The following CD28 variants were observed in gnomAD, a reference collection of about 807,000 sequenced individuals.
CD28 encodes the protein CD28 molecule, also known as T-cell-specific surface glycoprotein CD28.
A neutral mutation model predicts 21.4 loss-of-function variants in CD28; 8 were observed. That is an observed-to-expected ratio of 0.37 (90% CI 0.22 to 0.68). The LOEUF is 0.68. Ranked by LOEUF, CD28 falls within the 30% of genes least tolerant of loss-of-function variation. The pLI, the probability that CD28 is intolerant of heterozygous loss-of-function variation, is 0.55. For synonymous variants in CD28, 106 were observed against 104.0 expected, an observed-to-expected ratio of 1.02 and a Z score of -0.12; for missense variants, 239 against 272.2, an observed-to-expected ratio of 0.88 and a Z score of 0.86.
intron 1 of CD28, among the ~76,000 whole-genome samples, chr2:203,724,016 T>TG (rs1397537133): frequency 2.6e-5 from 4 of 152,184 alleles, no homozygotes; most frequent in African/African-American, 9.7e-5. Flanking sequence ...AGCCATACAA[T>TG]GGAATATTAT....
chr2:203,707,855 G>T (rs1416774361), intron 1 of CD28, among the ~76,000 whole-genome samples: 1 of 152,120 alleles, frequency 6.6e-6, no homozygotes, highest in Non-Finnish European at 1.5e-5. Flanking sequence ...ATGGACTCAG[G>T]TAAATCCAGG....
chr2:203,723,630 A>G (rs1693664802), intron 1 of CD28, among the ~76,000 whole-genome samples: 2 of 152,382 alleles, frequency 1.3e-5, no homozygotes. Context: ...GCTAATAAGC[A>G]CATGAAAAGA....
chr2:203,707,182 CT>C (rs1003138273), intron 1 of CD28, among the ~76,000 whole-genome samples: 84 of 148,148 alleles, frequency 5.7e-4, no homozygotes, highest in Admixed American at 6.7e-4. Context: ...TTCTTTCTTT[CT>C]TTTTTTTTTT....
intron 1 of CD28, among the ~76,000 whole-genome samples, chr2:203,716,324 C>T (rs935885361): frequency 2.0e-5 from 3 of 152,182 alleles, no homozygotes; most frequent in Non-Finnish European, 2.9e-5. Flanking sequence ...AGGCTTCTTT[C>T]GCGTGCCTGT....
Position 203,737,430 on chromosome 2 carries a change from C to CT in CD28, c.*2526dup, listed in dbSNP as rs55634483. ...AATGGCAGTGGCAAATAAATAAATA[C>CT]TTTTTTTTAAATGGAAAGACTTGAT... is the stretch of plus-strand genomic sequence containing the variant. On this transcript the variant is annotated 3_prime_UTR_variant, in exon 4 of 4. Transcript: ENST00000324106. The CT allele has an allele frequency of 0.14, 21,275 of 152,056 alleles. 1,721 individuals are homozygous for CT. Among genetic ancestry groups the CT allele is most frequent in the Middle Eastern group, 0.22 (65 of 294 alleles). The allele number at this position is 152,056 out of a possible 1,614,324, so 9.4% of individuals were successfully genotyped here.
chr2:203,706,507 G>A, upstream of CD28: 1 of 1,535,320 alleles, frequency 6.5e-7, no homozygotes, highest in East Asian at 2.4e-5. Flanking sequence ...TATCCTGTGT[G>A]AAATGCTGCA....
At chr2:203,711,388 T>C (rs560467114) in intron 1 of CD28, among the ~76,000 whole-genome samples, 1 of 152,246 alleles carries the variant, frequency 6.6e-6, no homozygotes, top group Non-Finnish European at 1.5e-5. Flanking sequence ...TCAATGTTAA[T>C]TTCAAAGGCA....
At chr2:203,731,829 G>T (rs898824407) in intron 3 of CD28, among the ~76,000 whole-genome samples, 1 of 152,026 alleles carries the variant, frequency 6.6e-6, no homozygotes, top group Non-Finnish European at 1.5e-5. Context: ...TTTTATTTTT[G>T]TTTTACTTTG....
intron 1 of CD28, among the ~76,000 whole-genome samples, chr2:203,709,464 G>A (rs1429742079): frequency 2.6e-5 from 4 of 152,204 alleles, no homozygotes; most frequent in African/African-American, 7.2e-5. Flanking sequence ...TAAAGGTTAA[G>A]TCTAACCTGA....
chr2:203,709,978 A>G (rs1693266971), intron 1 of CD28, among the ~76,000 whole-genome samples: 1 of 152,222 alleles, frequency 6.6e-6, no homozygotes, highest in African/African-American at 2.4e-5. Context: ...GACATTTAAT[A>G]AAAAGTCATC....
chr2:203,717,580 G>T (rs1241169760), intron 1 of CD28, among the ~76,000 whole-genome samples: 1 of 152,158 alleles, frequency 6.6e-6, no homozygotes, highest in Non-Finnish European at 1.5e-5. Context: ...TGTGCCATCT[G>T]TTTTCATTTG....
intron 1 of CD28, among the ~76,000 whole-genome samples, chr2:203,723,119 G>A (rs771521524): frequency 1.3e-5 from 2 of 152,142 alleles, no homozygotes; most frequent in Non-Finnish European, 2.9e-5. Context: ...ATTCCACTAG[G>A]CCATAGTGGC....
intron 1 of CD28, among the ~76,000 whole-genome samples, chr2:203,719,610 T>C (rs1042734413): frequency 1.3e-5 from 2 of 152,204 alleles, no homozygotes; most frequent in African/African-American, 4.8e-5. Context: ...TTATGTTTCC[T>C]GTAACCTTGG....
At chr2:203,724,558 G>T (rs3116493) in intron 1 of CD28, among the ~76,000 whole-genome samples, 117,549 of 152,082 alleles carry the variant, frequency 0.77, 45,604 homozygotes, top group East Asian at 0.92. Context: ...TTTTTAAAAA[G>T]AATTTTGTAG....
At chr2:203,711,696 T>A (rs887252115) in intron 1 of CD28, among the ~76,000 whole-genome samples, 1 of 152,188 alleles carries the variant, frequency 6.6e-6, no homozygotes, top group Non-Finnish European at 1.5e-5. Context: ...AATCACCTCA[T>A]TGGCTCACAA....
intron 1 of CD28, among the ~76,000 whole-genome samples, chr2:203,714,529 A>G (rs1693415038): frequency 1.3e-5 from 2 of 152,160 alleles, no homozygotes; most frequent in African/African-American, 2.4e-5. Flanking sequence ...GCTAATCCCA[A>G]GGATTTCTCA....
intron 2 of CD28, among the ~76,000 whole-genome samples, chr2:203,729,082 T>C (rs7420614): frequency 0.92 from 139,564 of 152,172 alleles, 64,067 homozygotes; most frequent in East Asian, 0.99. Context: ...TAATTTTCTC[T>C]AATTTTGAAT....
At chr2:203,706,788 TG>T (rs1302508446) in intron 1 of CD28, 40 bp downstream of exon 1, 1 of 1,468,064 alleles carries the variant, frequency 6.8e-7, no homozygotes, top group Admixed American at 1.7e-5. Context: ...AAATATTTTT[TG>T]AGGTCTTCCA....
intron 1 of CD28, 63 bp from the exon 2 acceptor site, chr2:203,726,570 C>A: frequency 8.3e-7 from 1 of 1,202,088 alleles, no homozygotes; most frequent in Non-Finnish European, 1.2e-6. Context: ...ATATATTTTG[C>A]TCTCAGGAAG....
Sources: allele counts gnomAD v4.1 joint callset (sites outside exome capture counted in the v4.1 genomes callset), GRCh38; gene constraint gnomAD v4.1.1; transcripts MANE v1.5; gene names NCBI Gene and HGNC (gene_info 2026-07-23, HGNC 2026-07-21).